ZSWIM6: variants seen among roughly 807,000 people sequenced by gnomAD.
ZSWIM6 encodes zinc finger SWIM-type containing 6.
In ZSWIM6, 9 loss-of-function variants were observed where a neutral mutation model predicts 113.2. That is an observed-to-expected ratio of 0.08 (90% CI 0.05 to 0.14). The LOEUF (loss-of-function observed/expected upper bound fraction) is 0.14, where lower values mean the gene tolerates loss of function less well. ZSWIM6 is among the 10% of genes least tolerant of loss of function. The probability of loss-of-function intolerance (pLI) is 1.00; values close to 1 mark genes in which losing one functional copy is unlikely to be tolerated. For missense variants in ZSWIM6, 1,162 were observed against 1,552.2 expected (o/e 0.75, Z 4.22); for synonymous variants, 611 against 606.5 (o/e 1.01, Z -0.11).
intron 2 of ZSWIM6, among the ~76,000 whole-genome samples, chr5:61,487,294 G>C (rs1748042479): frequency 6.6e-6 from 1 of 152,032 alleles, no homozygotes; most frequent in Non-Finnish European, 1.5e-5. Flanking sequence ...GGTTACTATA[G>C]GCTTGTAGTA....
At chr5:61,391,193 C>T (rs1167089300) in intron 1 of ZSWIM6, 7 of 842,190 alleles carry the variant, frequency 8.3e-6, no homozygotes, top group African/African-American at 1.7e-5. Context: ...CCTTTGTAGC[C>T]ATTGCCCTTG....
chr5:61,404,082 A>G (rs1382435211), intron 1 of ZSWIM6, among the ~76,000 whole-genome samples: 3 of 150,302 alleles, frequency 2.0e-5, no homozygotes, highest in African/African-American at 7.4e-5. Flanking sequence ...ATCTTGGCTC[A>G]CTGCAAGCTC....
At chr5:61,516,837 A>G (rs1399835528) in intron 4 of ZSWIM6, among the ~76,000 whole-genome samples, 1 of 151,986 alleles carries the variant, frequency 6.6e-6, no homozygotes, top group Admixed American at 6.6e-5. Context: ...TTTAGAACAG[A>G]TGTCTTGGCA....
intron 8 of ZSWIM6, among the ~76,000 whole-genome samples, chr5:61,530,775 C>T (rs1749410726): frequency 6.6e-6 from 1 of 152,192 alleles, no homozygotes; most frequent in African/African-American, 2.4e-5. Context: ...GTAACGATGT[C>T]CCTTTGTTGC....
intron 3 of ZSWIM6, among the ~76,000 whole-genome samples, chr5:61,491,780 G>A (rs1247376548): frequency 6.6e-6 from 1 of 151,530 alleles, no homozygotes; most frequent in African/African-American, 2.4e-5. Context: ...TGCTTTTGTT[G>A]AATATCTTCT....
At chr5:61,526,207 T>C (rs1048859301) in intron 6 of ZSWIM6, 43 bp from the exon 7 acceptor site, 5 of 1,518,304 alleles carry the variant, frequency 3.3e-6, no homozygotes, top group Non-Finnish European at 3.5e-6. Context: ...TTTATGGATA[T>C]ATCTGACAGT....
At chr5:61,467,007 C>T (rs1747450504) in intron 1 of ZSWIM6, among the ~76,000 whole-genome samples, 1 of 152,182 alleles carries the variant, frequency 6.6e-6, no homozygotes, top group South Asian at 2.1e-4. Flanking sequence ...TTTGCCCCTT[C>T]AGTGTTTCTC....
At position 61,539,598 on chromosome 5, in the gene ZSWIM6, G is replaced by A. The variant is rs200376433; in HGVS notation, c.2542G>A (p.Asp848Asn). ...ASTMLTAAKGDVRRLETVLES... is the reference protein window; with the variant it reads ...ASTMLTAAKGNVRRLETVLES... Reference sequence around the variant, plus strand: ...TGGTTTTCCCTTGTTCATTGCAGGCGATGTTCGGAGGCTGGAAACAGTATT... The same window carrying A: ...TGGTTTTCCCTTGTTCATTGCAGGCAATGTTCGGAGGCTGGAAACAGTATT... The change falls in exon 12 of 14, where the codon GAT (aspartate) becomes AAT (asparagine). Residue 848 changes from aspartate to asparagine, a missense_variant and splice_region_variant. Physicochemically the swap from Asp to Asn is conservative, Grantham distance 23 (BLOSUM62 1). Transcript: ENST00000252744. 1.6e-5 allele frequency: 25 copies of A among 1,549,662 alleles called. No homozygotes were observed. Among genetic ancestry groups the A allele is most frequent in the East Asian group, 1.2e-4 (5 of 40,890 alleles).
chr5:61,429,765 A>G (rs942523777), intron 1 of ZSWIM6, among the ~76,000 whole-genome samples: 4 of 152,132 alleles, frequency 2.6e-5, no homozygotes, highest in African/African-American at 9.7e-5. Flanking sequence ...AGGAAGAAGC[A>G]TGTGGTAAGG....
intron 5 of ZSWIM6, among the ~76,000 whole-genome samples, chr5:61,521,950 T>C (rs145972728): frequency 6.6e-6 from 1 of 152,292 alleles, no homozygotes; most frequent in African/African-American, 2.4e-5. Flanking sequence ...GACATTTTAC[T>C]GGGAAATTTT....
At chr5:61,387,307 T>TA (rs1452656584) in intron 1 of ZSWIM6, among the ~76,000 whole-genome samples, 12 of 152,242 alleles carry the variant, frequency 7.9e-5, no homozygotes, top group South Asian at 2.1e-4. Context: ...TGATGAAACT[T>TA]ACGATTATTT....
intron 1 of ZSWIM6, among the ~76,000 whole-genome samples, chr5:61,448,624 T>G (rs1473171967): frequency 6.6e-6 from 1 of 152,182 alleles, no homozygotes; most frequent in African/African-American, 2.4e-5. Flanking sequence ...ATAATGGTGT[T>G]GCTGTGCATT....
chr5:61,341,216 G>A (rs1744537838), intron 1 of ZSWIM6, among the ~76,000 whole-genome samples: 1 of 133,414 alleles, frequency 7.5e-6, no homozygotes, highest in Non-Finnish European at 1.6e-5. Flanking sequence ...ATGAGTGTGG[G>A]TGTGTGTGAG....
chr5:61,538,586 C>CT (rs1749642886), intron 10 of ZSWIM6, among the ~76,000 whole-genome samples: 1 of 152,172 alleles, frequency 6.6e-6, no homozygotes, highest in Non-Finnish European at 1.5e-5. Context: ...TGATGAACAA[C>CT]TAACAAGGTT....
chr5:61,538,760 A>G, intron 10 of ZSWIM6, 54 bp from the exon 11 acceptor site: 2 of 1,508,058 alleles, frequency 1.3e-6, no homozygotes, highest in Non-Finnish European at 1.8e-6. Flanking sequence ...CTTTCTGGCC[A>G]AGGACATGGT....
chr5:61,335,084 C>T lies in ZSWIM6; in HGVS notation c.676+2136C>T, dbSNP rs1430134082. Among the ~76,000 whole-genome samples, 6 of 152,214 alleles carry T rather than the reference C, an allele frequency of 3.9e-5. No individual in the cohort carries two copies. In the East Asian group the frequency reaches 1.2e-3, roughly 29 times the overall value. Reference sequence around the variant, plus strand: ...CTAGGAGACAGACACACAGCGTGGGCTTTGCCTGCTTTCATCAGTGGAAGA... The same window carrying T: ...CTAGGAGACAGACACACAGCGTGGGTTTTGCCTGCTTTCATCAGTGGAAGA... On this transcript the variant is annotated intron_variant, in intron 1 of 13. Coordinates refer to ENST00000252744, the MANE Select transcript of ZSWIM6 (RefSeq NM_020928.2).
intron 1 of ZSWIM6, among the ~76,000 whole-genome samples, chr5:61,439,357 G>A (rs1325581346): frequency 6.6e-6 from 1 of 152,108 alleles, no homozygotes; most frequent in African/African-American, 2.4e-5. Context: ...ACACCCTCAA[G>A]CAGTTTGTAG....
At chr5:61,337,074 G>C (rs985686444) in intron 1 of ZSWIM6, among the ~76,000 whole-genome samples, 1 of 151,824 alleles carries the variant, frequency 6.6e-6, no homozygotes, top group African/African-American at 2.4e-5. Flanking sequence ...TGAGGTCAGG[G>C]GTTAGAGACC....
At position 61,332,408 on chromosome 5, in the gene ZSWIM6, C is replaced by T. The variant is rs1483697647; in HGVS notation, c.136C>T (p.Pro46Ser). 4 of 992,070 alleles carry T rather than the reference C, an allele frequency of 4.0e-6. No homozygotes were observed. Among genetic ancestry groups the T allele is most frequent in the Non-Finnish European group, 4.8e-6 (4 of 837,528 alleles). 61.5% of individuals were successfully genotyped at this position (992,070 alleles called of 1,614,324 possible). Residue 46 changes from proline to serine, a missense_variant, in exon 1 of 14, where the codon CCG becomes TCG. Around this residue, in one of 4 missense-constraint regions of ZSWIM6, gnomAD observed 333 missense variants for 293.4 expected, o/e 1.13. Coordinates refer to ENST00000252744, the MANE Select transcript of ZSWIM6 (RefSeq NM_020928.2). ...GGYSSACRPG[P>S]RAGGAAAAAA... ...CTACAGCTCTGCCTGTCGGCCAGGC[C>T]CGCGGGCGGGTGGCGCGGCGGCGGC...
Sources: gnomAD v4.1 joint callset for allele counts (sites outside exome capture counted in the v4.1 genomes callset) on GRCh38, gnomAD v4.1.1 for gene constraint, gnomAD v4.1.1 regional missense constraint, MANE v1.5 for transcripts, NCBI Gene and HGNC (gene_info 2026-07-23, HGNC 2026-07-21) for gene names.